The following UBP1 variants were observed in gnomAD, a reference collection of about 807,000 sequenced individuals.
The protein encoded by UBP1 is upstream-binding protein 1.
UBP1 carries 22 observed loss-of-function variants against 76.1 expected under a neutral mutation model. That is an observed-to-expected ratio of 0.29 (90% CI 0.21 to 0.41). The LOEUF is 0.41. Ranked by LOEUF, UBP1 falls within the 10% of genes least tolerant of loss-of-function variation. The pLI is 1.00. For missense variants in UBP1, 436 were observed against 668.1 expected, an observed-to-expected ratio of 0.65 and a Z score of 3.83; for synonymous variants, 224 against 237.1, an observed-to-expected ratio of 0.94 and a Z score of 0.51.
At chr3:33,409,641 C>T in intron 5 of UBP1, 40 bp from the exon 6 acceptor site, 1 of 1,613,148 alleles carries the variant, frequency 6.2e-7, no homozygotes, top group Non-Finnish European at 8.5e-7. Context: ...CAAAGAACTT[C>T]CACTGGTTAT....
rs1559697582 is a variant in UBP1, at chr3:33,440,389, G to A, written c.-541C>T. The A allele has an allele frequency of 6.5e-6, 1 of 152,970 alleles. No homozygotes were observed. The highest frequency in any genetic ancestry group is 2.0e-4 in the South Asian group (1 of 5,108). The allele number at this position is 152,970 out of a possible 1,614,324, so 9.5% of individuals were successfully genotyped here. ...TGGCTTCAACGCGACTCCGACTTAG[G>A]TTCACGCGCCGCTTCCGCCTCCCCC... On this transcript the variant is annotated 5_prime_UTR_variant, in exon 1 of 16. Coordinates refer to ENST00000283629, the MANE Select transcript of UBP1 (RefSeq NM_014517.5).
At chr3:33,418,538 C>A (rs978256890) in intron 2 of UBP1, among the ~76,000 whole-genome samples, 1 of 151,792 alleles carries the variant, frequency 6.6e-6, no homozygotes, top group African/African-American at 2.4e-5. Flanking sequence ...GGATTACAGG[C>A]GTGAGCCACC....
At chr3:33,395,475 G>A (rs1194213078) in intron 13 of UBP1, among the ~76,000 whole-genome samples, 2 of 151,910 alleles carry the variant, frequency 1.3e-5, no homozygotes, top group African/African-American at 4.8e-5. Flanking sequence ...ATATTTAGAG[G>A]TGAGAAGAGG....
At chr3:33,412,057 C>T (rs185317170) in intron 4 of UBP1, among the ~76,000 whole-genome samples, 7 of 151,980 alleles carry the variant, frequency 4.6e-5, no homozygotes, top group East Asian at 3.9e-4. Flanking sequence ...CGCAGTGGCG[C>T]GTGCCTGTAG....
chr3:33,402,657 C>T (rs1447818802), intron 9 of UBP1, 144 bp downstream of exon 9: 7 of 517,670 alleles, frequency 1.4e-5, no homozygotes, highest in Non-Finnish European at 2.2e-5. Context: ...TGATTGTCCT[C>T]TGCCACCAAG....
chr3:33,425,990 G>T (rs2045004462), intron 1 of UBP1, among the ~76,000 whole-genome samples: 1 of 95,532 alleles, frequency 1.0e-5, no homozygotes, highest in South Asian at 3.4e-4. Context: ...CGGCAGGGCA[G>T]CTCTGAATAT....
chr3:33,403,174 TTAAGTA>T (rs1404166218), intron 8 of UBP1: 1 of 352,782 alleles, frequency 2.8e-6, no homozygotes. Flanking sequence ...AAATATATGC[TTAAGTA>T]TAATTGCTTT....
intron 7 of UBP1, 84 bp from the exon 8 acceptor site, chr3:33,408,881 C>G: frequency 8.3e-7 from 1 of 1,210,964 alleles, no homozygotes; most frequent in Non-Finnish European, 1.2e-6. Context: ...CTCTTCAGTC[C>G]AATTAAACAA....
chr3:33,432,636 CAA>C (rs1037105715), intron 1 of UBP1, among the ~76,000 whole-genome samples: 23 of 152,172 alleles, frequency 1.5e-4, no homozygotes, highest in Non-Finnish European at 3.2e-4. Context: ...CCACCCACAC[CAA>C]AAAATTACAT....
intron 1 of UBP1, among the ~76,000 whole-genome samples, chr3:33,431,850 T>C (rs2045119715): frequency 6.6e-6 from 1 of 151,708 alleles, no homozygotes; most frequent in African/African-American, 2.4e-5. Flanking sequence ...TGAGGAGGTG[T>C]CATTAAGCTT....
intron 15 of UBP1, chr3:33,391,403 C>A (rs769999983): frequency 6.6e-6 from 1 of 152,172 alleles, no homozygotes; most frequent in African/African-American, 2.4e-5. Context: ...GGTCCTGGCT[C>A]TTTTCATATT....
upstream of UBP1, chr3:33,440,712 G>C (rs1160129216): frequency 6.6e-6 from 1 of 152,330 alleles, no homozygotes; most frequent in African/African-American, 2.4e-5. Context: ...GTGAGTCTCT[G>C]TGTCCCCCGA....
intron 11 of UBP1, among the ~76,000 whole-genome samples, chr3:33,398,826 C>T (rs17030583): frequency 0.29 from 44,125 of 152,096 alleles, 7,026 homozygotes; most frequent in East Asian, 0.47. Context: ...TGCTTTTCAT[C>T]TGCCTTCCAT....
intron 7 of UBP1, 103 bp downstream of exon 7, chr3:33,409,125 TCAAACTGC>T: frequency 9.6e-7 from 1 of 1,039,620 alleles, no homozygotes; most frequent in Non-Finnish European, 1.4e-6. Flanking sequence ...GAATAACATG[TCAAACTGC>T]CACCCAATCT....
At chr3:33,433,846 G>C (rs945073428) in intron 1 of UBP1, among the ~76,000 whole-genome samples, 6 of 151,564 alleles carry the variant, frequency 4.0e-5, no homozygotes, top group African/African-American at 1.2e-4. Context: ...CCAGGAATTA[G>C]AGCCTGTAGT....
chr3:33,394,074 T>C (rs1186797086), intron 13 of UBP1, among the ~76,000 whole-genome samples: 1 of 151,994 alleles, frequency 6.6e-6, no homozygotes, highest in Non-Finnish European at 1.5e-5. Context: ...TGGAGTGCAG[T>C]GACACAATCA....
intron 1 of UBP1, among the ~76,000 whole-genome samples, chr3:33,428,496 A>G (rs1040609948): frequency 4.6e-5 from 7 of 152,086 alleles, no homozygotes; most frequent in Non-Finnish European, 1.0e-4. Flanking sequence ...TCACATATGG[A>G]AGACAATTTT....
chr3:33,402,934 A>G, intron 8 of UBP1, 30 bp from the exon 9 acceptor site: 1 of 1,532,588 alleles, frequency 6.5e-7, no homozygotes, highest in East Asian at 2.3e-5. Flanking sequence ...TAAATTAGTG[A>G]TATGCTTTTA....
upstream of UBP1, chr3:33,441,187 G>A (rs1277647848): frequency 6.6e-6 from 1 of 152,278 alleles, no homozygotes. Context: ...CCTAGCGTGG[G>A]CACGCGCCAC....
Sources: gnomAD v4.1 joint callset for allele counts (sites outside exome capture counted in the v4.1 genomes callset) on GRCh38, gnomAD v4.1.1 for gene constraint, MANE v1.5 for transcripts, NCBI Gene and HGNC (gene_info 2026-07-23, HGNC 2026-07-21) for gene names.